The following PIEZO2 variants were observed in gnomAD, a reference collection of about 807,000 sequenced individuals.
The protein encoded by PIEZO2 is piezo type mechanosensitive ion channel component 2.
In PIEZO2, 172 loss-of-function variants were observed where a neutral mutation model predicts 337.3. The ratio of observed to expected loss-of-function variants is 0.51; its 90% CI spans 0.45 to 0.58. The LOEUF is 0.58. Ranked by LOEUF, PIEZO2 falls within the 20% of genes least tolerant of loss-of-function variation. The pLI, the probability that PIEZO2 is intolerant of heterozygous loss-of-function variation, is 0.00. For synonymous variants in PIEZO2, 1,251 were observed against 1,228.5 expected, an observed-to-expected ratio of 1.02 and a Z score of -0.38; for missense variants, 3,028 against 3,391.3, an observed-to-expected ratio of 0.89 and a Z score of 2.66.
chr18:10,873,972 A>T (rs1003020735), intron 4 of PIEZO2, among the ~76,000 whole-genome samples: 5 of 152,206 alleles, frequency 3.3e-5, no homozygotes, highest in African/African-American at 1.2e-4. Context: ...GACAAATGGG[A>T]TTATATCAAG....
Position 10,715,808 on chromosome 18 carries a change from T to A in PIEZO2, c.5098A>T (p.Ile1700Phe). Residue 1700 changes from isoleucine to phenylalanine, a missense_variant, in exon 38 of 56, where the codon ATC becomes TTC. Coordinates refer to ENST00000674853, the MANE Select transcript of PIEZO2 (RefSeq NM_001378183.1). ...TTCAAAATATTAAATATCCTCTTGA[T>A]GATATTATCTAGGAGGAAGAAAGGC... is the stretch of plus-strand genomic sequence containing the variant. Reference protein sequence around the residue: ...KKKSDGPDNIIKRIFNILKFT... With the variant: ...KKKSDGPDNIFKRIFNILKFT... The A allele has an allele frequency of 6.6e-7, 1 of 1,524,210 alleles. No homozygotes were observed. Among genetic ancestry groups the A allele is most frequent in the Non-Finnish European group, 8.8e-7 (1 of 1,138,286 alleles). The allele number at this position is 1,524,210 out of a possible 1,614,324, so 94.4% of individuals were successfully genotyped here.
In PIEZO2 at chr18:10,943,422, G is replaced by A. The variant is rs1437873700; in HGVS notation, c.287-32194C>T. Among the ~76,000 whole-genome samples, 1 of 152,186 alleles carries A rather than the reference G, an allele frequency of 6.6e-6. No individual in the cohort carries two copies. The highest frequency in any genetic ancestry group is 1.5e-5 in the Non-Finnish European group (1 of 68,032). On this transcript the variant is annotated intron_variant, in intron 3 of 55. Transcript: ENST00000674853. The surrounding 1 kb of genome is among the most constrained non-coding windows in gnomAD (Gnocchi z 4.5). The stretch of plus-strand genomic sequence containing the variant: ...GTGTGACCTGGATGTGAGACATCGA[G>A]TCACAGGAGACCATTTCGGAGCTTT...
At chr18:10,922,111 G>A (rs1352826857) in intron 3 of PIEZO2, among the ~76,000 whole-genome samples, 4 of 152,024 alleles carry the variant, frequency 2.6e-5, no homozygotes, top group South Asian at 4.1e-4. Context: ...TGTGAAGTAC[G>A]TGATGTCTGT....
intron 43 of PIEZO2, among the ~76,000 whole-genome samples, chr18:10,700,104 A>T (rs2035270739): frequency 6.6e-6 from 1 of 152,082 alleles, no homozygotes; most frequent in South Asian, 2.1e-4. Flanking sequence ...TCGTAATGGG[A>T]TTTTTCAGTT....
chr18:10,797,040 C>T lies in PIEZO2; in HGVS notation c.1527+334G>A, dbSNP rs900473725. 6.1e-4 allele frequency among the ~76,000 whole-genome samples: 91 copies of T among 150,024 alleles called. 1 individual carries two copies. The highest frequency in any genetic ancestry group is 4.2e-3 in the Admixed American group (63 of 15,080). Reference sequence around the variant, plus strand: ...ATACCATCATATCATATCTTACATACCATCATATATGTACTATCATGTCAT... The same window carrying T: ...ATACCATCATATCATATCTTACATATCATCATATATGTACTATCATGTCAT... On this transcript the variant is annotated intron_variant, in intron 12 of 55. Coordinates refer to ENST00000674853, the MANE Select transcript of PIEZO2 (RefSeq NM_001378183.1).
intron 39 of PIEZO2, among the ~76,000 whole-genome samples, chr18:10,712,176 C>G (rs538418162): frequency 2.0e-5 from 3 of 152,188 alleles, no homozygotes; most frequent in South Asian, 2.1e-4. Context: ...GGAAGCAGCA[C>G]CAGTCAGCAT....
Position 10,750,107 on chromosome 18 carries a change from G to T in PIEZO2, c.4248C>A (p.Val1416=). The change falls in exon 29 of 56, where the codon GTC becomes GTA. Residue 1416 remains valine, a synonymous_variant. Transcript: ENST00000674853. This position sits in a 1 kb window ranked among gnomAD's most constrained non-coding sequence, Gnocchi z 4.1. ...CATACTTACGCATTTGATAGCCTTT[G>T]ACTGTGCAGGCCAGGCTGAAAGCCT... The part of the protein sequence containing the change: ...LIQAFSLACT[V]KGYQMPAANS... The T allele has an allele frequency of 6.5e-7, 1 of 1,536,642 alleles. No individual in the cohort carries two copies. The highest frequency in any genetic ancestry group is 1.2e-5 in the South Asian group (1 of 83,990).
chr18:10,845,592 C>T (rs944976640), intron 7 of PIEZO2, among the ~76,000 whole-genome samples: 21 of 152,154 alleles, frequency 1.4e-4, no homozygotes, highest in East Asian at 1.9e-4. Flanking sequence ...GGGTAGCCCT[C>T]GGGCACACTG....
In PIEZO2 at chr18:11,104,585, C is replaced by CA. The variant is rs1422278401; in HGVS notation, c.65-38364dup. On this transcript the variant is annotated intron_variant, in intron 1 of 55. Transcript: ENST00000674853. The surrounding 1 kb of genome is among the most constrained non-coding windows in gnomAD (Gnocchi z 4.6). ...CAAGCAGACTGGCTAGAAGGGCTGC[C>CA]ACATGGTCAGCCACATTCTCTTCTC... 1.3e-5 allele frequency among the ~76,000 whole-genome samples: 2 copies of CA among 152,204 alleles called. No individual in the cohort carries two copies. Among genetic ancestry groups the CA allele is most frequent in the Non-Finnish European group, 2.9e-5 (2 of 68,040 alleles).
At chr18:10,675,049 C>G (rs2033933157) in intron 54 of PIEZO2, among the ~76,000 whole-genome samples, 160 bp downstream of exon 54, 1 of 152,092 alleles carries the variant, frequency 6.6e-6, no homozygotes, top group Admixed American at 6.6e-5. Flanking sequence ...GTGAGTGACT[C>G]CTTTGGGCTA....
rs1017918443 is a variant in PIEZO2 at position 11,007,736 on chromosome 18, G to A, written c.161-28076C>T. ...GACAGGTAAGAATGCTGAACTGAGG[G>A]GGGTGGCAAAAAATTTCAACCAAAA... On this transcript the variant is annotated intron_variant, in intron 2 of 55. Transcript: ENST00000674853. 3.3e-5 allele frequency among the ~76,000 whole-genome samples: 5 copies of A among 152,198 alleles called. No individual in the cohort carries two copies. In the South Asian group the frequency reaches 1.0e-3, roughly 32 times the overall value.
In PIEZO2 at chr18:10,993,158, T is replaced by G. The variant is rs1439282142; in HGVS notation, c.161-13498A>C. On this transcript the variant is annotated intron_variant, in intron 2 of 55. Transcript: ENST00000674853. This position sits in a 1 kb window ranked among gnomAD's most constrained non-coding sequence, Gnocchi z 5.0. ...ATGGGGTTTTCTAAATATACGACCA[T>G]GTCATCTGCAAACAGAGACACTTTG... Among the ~76,000 whole-genome samples the G allele has an allele frequency of 2.0e-5, 3 of 152,234 alleles. No homozygotes were observed. The highest frequency in any genetic ancestry group is 7.2e-5 in the African/African-American group (3 of 41,470).
chr18:11,145,783 G>T (rs2040793998), intron 1 of PIEZO2, among the ~76,000 whole-genome samples: 1 of 152,158 alleles, frequency 6.6e-6, no homozygotes, highest in African/African-American at 2.4e-5. Flanking sequence ...ATGATTAGAA[G>T]ATGTCAATAA....
At position 10,945,569 on chromosome 18, in the gene PIEZO2, C is replaced by T. The variant is rs1036908465; in HGVS notation, c.286+33966G>A. On this transcript the variant is annotated intron_variant, in intron 3 of 55. Coordinates refer to ENST00000674853, the MANE Select transcript of PIEZO2 (RefSeq NM_001378183.1). The surrounding 1 kb of genome is among the most constrained non-coding windows in gnomAD (Gnocchi z 4.0). ...AAATAACTTAACTGCATTTCAGAAC[C>T]AAGCTTAAAAATATGTATAGGAATA... 2.0e-5 allele frequency among the ~76,000 whole-genome samples: 3 copies of T among 151,892 alleles called. No individual in the cohort carries two copies. Among genetic ancestry groups the T allele is most frequent in the African/African-American group, 7.3e-5 (3 of 41,360 alleles).
chr18:10,881,896 T>A (rs1215651302), intron 4 of PIEZO2, among the ~76,000 whole-genome samples: 4 of 152,040 alleles, frequency 2.6e-5, no homozygotes, highest in African/African-American at 9.7e-5. Context: ...TTTTTTGCCA[T>A]CTTCAATCTC....
intron 4 of PIEZO2, among the ~76,000 whole-genome samples, chr18:10,876,348 A>G (rs1335725150): frequency 6.6e-6 from 1 of 152,226 alleles, no homozygotes; most frequent in African/African-American, 2.4e-5. Flanking sequence ...ATTTCTTACC[A>G]GTTTCTTCTA....
intron 28 of PIEZO2, 124 bp downstream of exon 28, chr18:10,752,512 G>T: frequency 8.6e-7 from 1 of 1,169,170 alleles, no homozygotes; most frequent in Non-Finnish European, 1.2e-6. Flanking sequence ...TTCTGAATTT[G>T]CAGCATCTTA....
chr18:11,131,400 A>C lies in PIEZO2; in HGVS notation c.64+17125T>G, dbSNP rs1041704675. 3.3e-5 allele frequency among the ~76,000 whole-genome samples: 5 copies of C among 152,176 alleles called. No individual in the cohort carries two copies. The highest frequency in any genetic ancestry group is 1.2e-4 in the African/African-American group (5 of 41,454). The stretch of plus-strand genomic sequence containing the variant: ...TCCCACAGCCTGCACCGATGGCCTC[A>C]TGGGGAGTTCCCTATGATCAGGTGA... On this transcript the variant is annotated intron_variant, in intron 1 of 55. Transcript: ENST00000674853. The surrounding 1 kb of genome is among the most constrained non-coding windows in gnomAD (Gnocchi z 5.3).
intron 2 of PIEZO2, among the ~76,000 whole-genome samples, chr18:10,999,440 T>C (rs571541000): frequency 4.1e-4 from 62 of 152,332 alleles, no homozygotes; most frequent in Non-Finnish European, 7.1e-4. Context: ...TTTTAGTCTG[T>C]GCTGAACATT....
Sources: gnomAD v4.1 joint callset for allele counts (sites outside exome capture counted in the v4.1 genomes callset) on GRCh38, gnomAD v4.1.1 for gene constraint, Gnocchi (gnomAD v3.1) non-coding constraint, MANE v1.5 for transcripts, NCBI Gene and HGNC (gene_info 2026-07-23, HGNC 2026-07-21) for gene names.